CNTLN: variants seen among roughly 807,000 people sequenced by gnomAD.
CNTLN encodes the protein centlein, centrosomal protein.
Under a neutral mutation model 180.0 loss-of-function variants are expected in CNTLN, and 212 were observed. The ratio of observed to expected loss-of-function variants is 1.18; its 90% CI spans 1.05 to 1.32. The LOEUF (loss-of-function observed/expected upper bound fraction) is 1.32, where lower values mean the gene tolerates loss of function less well. Ranked by LOEUF, CNTLN falls within the 40% of genes most tolerant of loss-of-function variation. CNTLN has a pLI of 0.00. For synonymous variants in CNTLN, 722 were observed against 563.1 expected (o/e 1.28, Z -3.99); for missense variants, 2,095 against 1,610.9 (o/e 1.30, Z -5.14).
chr9:17,252,842 G>C (rs1342247431), intron 5 of CNTLN, among the ~76,000 whole-genome samples: 2 of 151,422 alleles, frequency 1.3e-5, no homozygotes, highest in African/African-American at 2.4e-5. Context: ...TCTTTGCCTA[G>C]ACCAATGTCT....
chr9:17,430,763 A>G (rs1359175391), intron 18 of CNTLN, among the ~76,000 whole-genome samples: 1 of 152,044 alleles, frequency 6.6e-6, no homozygotes, highest in East Asian at 1.9e-4. Flanking sequence ...CAAGTGATCA[A>G]TTTTATTTAG....
intron 13 of CNTLN, 53 bp from the exon 14 acceptor site, chr9:17,388,109 C>A: frequency 1.8e-6 from 2 of 1,108,868 alleles, no homozygotes; most frequent in South Asian, 1.7e-5. Flanking sequence ...AATGACAGGA[C>A]AGTATTTCAG....
chr9:17,328,721 T>G (rs1243765829), intron 8 of CNTLN, among the ~76,000 whole-genome samples: 1 of 152,162 alleles, frequency 6.6e-6, no homozygotes, highest in Non-Finnish European at 1.5e-5. Context: ...CTCTGTTGGA[T>G]GAATTTTAAA....
intron 18 of CNTLN, among the ~76,000 whole-genome samples, chr9:17,433,616 G>GT (rs34373263): frequency 3.0e-4 from 45 of 151,418 alleles, no homozygotes; most frequent in African/African-American, 7.5e-4. Context: ...GTTTGTAGTG[G>GT]TTTTTTTTTG....
intron 9 of CNTLN, among the ~76,000 whole-genome samples, chr9:17,331,362 A>AT (rs1366658196): frequency 1.0e-5 from 1 of 95,526 alleles, no homozygotes; most frequent in African/African-American, 3.6e-5. Context: ...TTAATGTCTC[A>AT]ATTTTTTTTA....
the CNTLN span, among the ~76,000 whole-genome samples, chr9:17,521,265 A>AAGAAAGAGAG: frequency 8.4e-6 from 1 of 118,508 alleles, no homozygotes; most frequent in African/African-American, 3.1e-5. Flanking sequence ...AAGGGAGAAA[A>AAGAAAGAGAG]AGAGAGAGAG....
At chr9:17,333,488 T>C (rs896039393) in intron 10 of CNTLN, among the ~76,000 whole-genome samples, 4 of 152,160 alleles carry the variant, frequency 2.6e-5, no homozygotes, top group Non-Finnish European at 2.9e-5. Flanking sequence ...TCTAGTGCTT[T>C]ACACATGATT....
chr9:17,355,774 A>G (rs185694135), intron 12 of CNTLN, among the ~76,000 whole-genome samples: 1 of 152,320 alleles, frequency 6.6e-6, no homozygotes, highest in East Asian at 1.9e-4. Context: ...TGCCTAAGAA[A>G]TCAGTCCAGG....
chr9:17,433,442 G>A (rs1829550635), intron 18 of CNTLN, among the ~76,000 whole-genome samples: 1 of 151,904 alleles, frequency 6.6e-6, no homozygotes, highest in East Asian at 2.0e-4. Flanking sequence ...CTGCCACCAT[G>A]CCTGGCTAAT....
intron 5 of CNTLN, among the ~76,000 whole-genome samples, chr9:17,241,188 T>C (rs1000804079): frequency 1.3e-5 from 2 of 152,182 alleles, no homozygotes; most frequent in African/African-American, 4.8e-5. Context: ...GCTTCACAGT[T>C]TGAGGTCTGT....
intron 12 of CNTLN, among the ~76,000 whole-genome samples, chr9:17,344,629 G>A (rs1028843682): frequency 6.6e-6 from 1 of 152,068 alleles, no homozygotes; most frequent in Admixed American, 6.6e-5. Flanking sequence ...GAAATGTGAT[G>A]TTAAAAATAA....
rs147109002 is a variant in CNTLN, at chr9:17,143,740, C to T, written c.449+364C>T. On this transcript the variant is annotated intron_variant, in intron 2 of 25. Coordinates refer to ENST00000380647, the MANE Select transcript of CNTLN (RefSeq NM_017738.4). The stretch of plus-strand genomic sequence containing the variant: ...CTGCCTCTATAGGGAACTTACTAGA[C>T]GTGACTCAGTTTTCCCCTTAGATAA... 3.9e-5 allele frequency among the ~76,000 whole-genome samples: 6 copies of T among 152,316 alleles called. No individual in the cohort carries two copies. The East Asian group carries it at 7.7e-4, about 20-fold the overall frequency.
chr9:17,372,886 A>G (rs1482761083), intron 13 of CNTLN, among the ~76,000 whole-genome samples: 1 of 152,190 alleles, frequency 6.6e-6, no homozygotes, highest in Non-Finnish European at 1.5e-5. Context: ...CCATAGGATC[A>G]TTTTACTTAG....
intron 2 of CNTLN, among the ~76,000 whole-genome samples, chr9:17,225,649 AAGAT>A (rs1218122100): frequency 1.3e-5 from 2 of 151,914 alleles, no homozygotes; most frequent in Non-Finnish European, 2.9e-5. Flanking sequence ...TTTGTTTTAG[AAGAT>A]AGTCATTCTT....
chr9:17,144,220 T>C (rs1349066052), intron 2 of CNTLN, among the ~76,000 whole-genome samples: 1 of 152,216 alleles, frequency 6.6e-6, no homozygotes, highest in Non-Finnish European at 1.5e-5. Flanking sequence ...CATGCCTGAG[T>C]ATGTCTAATT....
chr9:17,185,112 G>T (rs1372147461), intron 2 of CNTLN, among the ~76,000 whole-genome samples: 1 of 152,154 alleles, frequency 6.6e-6, no homozygotes, highest in African/African-American at 2.4e-5. Context: ...CTGGAAAATA[G>T]AATTCTTTTG....
chr9:17,480,532 A>C (rs571850123), intron 23 of CNTLN, among the ~76,000 whole-genome samples: 2 of 152,332 alleles, frequency 1.3e-5, no homozygotes, highest in African/African-American at 4.8e-5. Flanking sequence ...TATACTCAGA[A>C]ATCAATAATT....
chr9:17,518,350 A>G, the CNTLN span, among the ~76,000 whole-genome samples: 2 of 152,090 alleles, frequency 1.3e-5, no homozygotes, highest in Non-Finnish European at 2.9e-5. Context: ...CCTGGCCTCC[A>G]TAAAGTTTTA....
chr9:17,174,321 A>G (rs1296665564), intron 2 of CNTLN, among the ~76,000 whole-genome samples: 1 of 152,182 alleles, frequency 6.6e-6, no homozygotes, highest in African/African-American at 2.4e-5. Context: ...TTTTTGTTGT[A>G]AACCTAAGTT....
Sources: gnomAD v4.1 joint callset for allele counts (sites outside exome capture counted in the v4.1 genomes callset) on GRCh38, gnomAD v4.1.1 for gene constraint, MANE v1.5 for transcripts, NCBI Gene and HGNC (gene_info 2026-07-23, HGNC 2026-07-21) for gene names.